Variants in SLIT2 observed in about 807,000 individuals in gnomAD.
The protein encoded by SLIT2 is slit homolog 2 protein.
SLIT2 carries 41 observed loss-of-function variants against 185.7 expected under a neutral mutation model. That is an observed-to-expected ratio of 0.22 (90% confidence interval 0.17 to 0.29). SLIT2 has a LOEUF of 0.29. Ranked by LOEUF, SLIT2 falls within the 10% of genes least tolerant of loss-of-function variation. The pLI is 1.00. For missense variants in SLIT2, 1,571 were observed against 1,909.0 expected (o/e 0.82, Z 3.30); for synonymous variants, 693 against 680.2 (o/e 1.02, Z -0.29).
chr4:20,391,005 G>A (rs1725372955), intron 4 of SLIT2, among the ~76,000 whole-genome samples: 1 of 151,800 alleles, frequency 6.6e-6, no homozygotes, highest in Admixed American at 6.6e-5. Context: ...TAATTTTACG[G>A]TGCCCATAAA....
At chr4:20,295,679 C>T (rs1339156186) in intron 4 of SLIT2, among the ~76,000 whole-genome samples, 1 of 152,082 alleles carries the variant, frequency 6.6e-6, no homozygotes, top group African/African-American at 2.4e-5. Context: ...ACAAAGCAAA[C>T]TCATAGTATT....
chr4:20,295,833 AG>A (rs1716410264), intron 4 of SLIT2, among the ~76,000 whole-genome samples: 1 of 140,848 alleles, frequency 7.1e-6, no homozygotes, highest in Admixed American at 7.8e-5. Flanking sequence ...CTTGAGTACT[AG>A]GAAAAAAAAA....
chr4:20,366,710 A>G (rs749815413), intron 4 of SLIT2, among the ~76,000 whole-genome samples: 1 of 152,184 alleles, frequency 6.6e-6, no homozygotes, highest in African/African-American at 2.4e-5. Context: ...GAGTTGACCT[A>G]TAAGCAAAAG....
At chr4:20,375,550 C>G (rs1048875457) in intron 4 of SLIT2, among the ~76,000 whole-genome samples, 13 of 151,998 alleles carry the variant, frequency 8.6e-5, no homozygotes, top group African/African-American at 3.1e-4. Flanking sequence ...GAACTAGGCT[C>G]TGGATTTAGT....
At chr4:20,455,623 A>C (rs188623871) in intron 4 of SLIT2, among the ~76,000 whole-genome samples, 1 of 152,306 alleles carries the variant, frequency 6.6e-6, no homozygotes, top group East Asian at 1.9e-4. Context: ...AATGGAGTAC[A>C]GATACATGCT....
At chr4:20,295,364 A>G (rs995245260) in intron 4 of SLIT2, among the ~76,000 whole-genome samples, 3 of 152,188 alleles carry the variant, frequency 2.0e-5, no homozygotes, top group Non-Finnish European at 4.4e-5. Flanking sequence ...TGTTGGTAAA[A>G]ATGATTTCCA....
chr4:20,613,374 G>A (rs1729392946), intron 34 of SLIT2, among the ~76,000 whole-genome samples: 1 of 152,176 alleles, frequency 6.6e-6, no homozygotes, highest in Admixed American at 6.5e-5. Context: ...TGGAGCTGGA[G>A]GCCATTATCC....
In SLIT2 at chr4:20,388,210, G is replaced by A. The variant is rs544647748; in HGVS notation, c.396-79542G>A. ...CTAAAAAACTAAACTGAAACCTTGG[G>A]CTTCATTAAAATTTAAATCTTCTAG... On this transcript the variant is annotated intron_variant, in intron 4 of 36. Transcript: ENST00000504154. Among the ~76,000 whole-genome samples the A allele has an allele frequency of 5.7e-4, 87 of 152,088 alleles. No homozygotes were observed. In the South Asian group the frequency reaches 0.015, roughly 25 times the overall value.
intron 4 of SLIT2, among the ~76,000 whole-genome samples, chr4:20,429,486 C>T (rs1361903175): frequency 6.6e-6 from 1 of 152,068 alleles, no homozygotes; most frequent in African/African-American, 2.4e-5. Flanking sequence ...CTTCTTGGCT[C>T]TTAACATTTG....
At position 20,416,277 on chromosome 4, in the gene SLIT2, G is replaced by A. The variant is rs192621789; in HGVS notation, c.396-51475G>A. On this transcript the variant is annotated intron_variant, in intron 4 of 36. Coordinates refer to ENST00000504154, the MANE Select transcript of SLIT2 (RefSeq NM_004787.4). ...CACCAGCAGATTTGGTTTGACATCG[G>A]GTTCCTGACTTTGGCTTGCAGATGG... is the stretch of plus-strand genomic sequence containing the variant. 4.3e-3 allele frequency among the ~76,000 whole-genome samples: 653 copies of A among 152,226 alleles called. 5 individuals carry two copies. Among genetic ancestry groups the A allele is most frequent in the Non-Finnish European group, 6.8e-3 (462 of 68,022 alleles).
chr4:20,476,765 T>C (rs1716154540), intron 5 of SLIT2, among the ~76,000 whole-genome samples: 1 of 152,198 alleles, frequency 6.6e-6, no homozygotes, highest in Admixed American at 6.5e-5. Context: ...CAGTGTGATA[T>C]CCATATTTTA....
In SLIT2 at chr4:20,520,984, GT is replaced by G. The variant is rs1484825540; in HGVS notation, c.1130+1532del. Among the ~76,000 whole-genome samples, 5 of 152,118 alleles carry G rather than the reference GT, an allele frequency of 3.3e-5. No individual in the cohort carries two copies. In the East Asian group the frequency reaches 9.6e-4, roughly 29 times the overall value. On this transcript the variant is annotated intron_variant, in intron 12 of 36. Coordinates refer to ENST00000504154, the MANE Select transcript of SLIT2 (RefSeq NM_004787.4). ...TATGCTATTCACAGCCTAGATGTCT[GT>G]ACCCATTGTAGATATAGCTTGATGC... is the stretch of plus-strand genomic sequence containing the variant.
At chr4:20,481,147 T>C (rs1577747043) in intron 6 of SLIT2, among the ~76,000 whole-genome samples, 2 of 152,148 alleles carry the variant, frequency 1.3e-5, no homozygotes, top group South Asian at 4.1e-4. Flanking sequence ...TTTGTCGTTG[T>C]TAGGCAATGG....
chr4:20,472,306 CTATATATAGATA>C (rs1715240313), intron 5 of SLIT2, among the ~76,000 whole-genome samples: 3 of 17,514 alleles, frequency 1.7e-4, no homozygotes, highest in African/African-American at 8.0e-4. Flanking sequence ...ATATATAGAT[CTATATATAGATA>C]TATATATCTA....
intron 4 of SLIT2, among the ~76,000 whole-genome samples, chr4:20,444,989 T>G (rs1331335017): frequency 6.6e-6 from 1 of 152,184 alleles, no homozygotes; most frequent in Non-Finnish European, 1.5e-5. Flanking sequence ...GACCTTTTAT[T>G]TGTATACATA....
intron 15 of SLIT2, among the ~76,000 whole-genome samples, chr4:20,527,294 T>C (rs969954590): frequency 2.3e-4 from 34 of 146,410 alleles, no homozygotes; most frequent in Non-Finnish European, 4.4e-4. Flanking sequence ...AGAGTTCATC[T>C]TTTTTTTTTT....
chr4:20,479,513 G>A lies in SLIT2; in HGVS notation c.468-1203G>A, dbSNP rs143571014. 2.3e-3 allele frequency among the ~76,000 whole-genome samples: 356 copies of A among 151,904 alleles called. 1 individual carries two copies. The highest frequency in any genetic ancestry group is 7.7e-3 in the African/African-American group (318 of 41,422). ...CCAGTGCGTGCAGAGCTGAAAACTC[G>A]CCTCTTCCATGAAACATTTTGTTTC... On this transcript the variant is annotated intron_variant, in intron 5 of 36. Transcript: ENST00000504154.
In SLIT2 at chr4:20,501,295, G is replaced by T. The variant is rs144486636; in HGVS notation, c.915-9200G>T. On this transcript the variant is annotated intron_variant, in intron 9 of 36. Transcript: ENST00000504154. ...GAAGCTTCTCATGTTAATTTTTTTTGGGGGGAGGAGGTTGAGATCTCACTC... is the reference window on the plus strand; with the variant it reads ...GAAGCTTCTCATGTTAATTTTTTTTTGGGGGAGGAGGTTGAGATCTCACTC... Among the ~76,000 whole-genome samples, 560 of 151,896 alleles carry T rather than the reference G, an allele frequency of 3.7e-3. 3 individuals are homozygous for T. The highest frequency in any genetic ancestry group is 0.013 in the African/African-American group (535 of 41,450).
intron 4 of SLIT2, among the ~76,000 whole-genome samples, chr4:20,362,411 A>G (rs995641505): frequency 1.3e-5 from 2 of 152,040 alleles, no homozygotes; most frequent in South Asian, 2.1e-4. Flanking sequence ...CATTGGTTCT[A>G]TGGACTGTGG....
Sources: gnomAD v4.1 joint callset for allele counts (sites outside exome capture counted in the v4.1 genomes callset) on GRCh38, gnomAD v4.1.1 for gene constraint, MANE v1.5 for transcripts, NCBI Gene and HGNC (gene_info 2026-07-23, HGNC 2026-07-21) for gene names.